Variants in INTS1 observed in about 807,000 individuals in gnomAD.
INTS1 encodes integrator complex subunit 1.
INTS1 carries 137 observed loss-of-function variants against 241.6 expected under a neutral mutation model. That is an observed-to-expected ratio of 0.57 (90% CI 0.49 to 0.65). INTS1 has a LOEUF of 0.65. Ranked by LOEUF, INTS1 falls within the 30% of genes least tolerant of loss-of-function variation. The pLI, the probability that INTS1 is intolerant of heterozygous loss-of-function variation, is 0.00. For missense variants in INTS1, 3,073 were observed against 3,032.2 expected, an observed-to-expected ratio of 1.01 and a Z score of -0.32; for synonymous variants, 1,692 against 1,337.8, an observed-to-expected ratio of 1.26 and a Z score of -5.78.
rs1434683724 is a variant in INTS1 at position 1,486,643 on chromosome 7, G to C, written c.2958C>G (p.Ser986=). Residue 986 remains serine (S), a synonymous_variant, in exon 22 of 48, where the codon TCC becomes TCG. Coordinates refer to ENST00000404767, the MANE Select transcript of INTS1 (RefSeq NM_001080453.3). ...ACCTCACCTTCATGGCCAGCACGCG[G>C]GAGGCCACCTGGGAGGAGCCGAGGC... is the stretch of plus-strand genomic sequence containing the variant. ...LRRLGSSQVA[S]RVLAMKGLSL... is the part of the protein sequence containing the mutation. The C allele has an allele frequency of 1.2e-6, 2 of 1,611,858 alleles. No homozygotes were observed. The highest frequency in any genetic ancestry group is 4.5e-5 in the East Asian group (2 of 44,856).
chr7:1,489,048 A>G (rs10230463), intron 18 of INTS1, among the ~76,000 whole-genome samples: 81,421 of 151,560 alleles, frequency 0.54, 23,631 homozygotes, highest in African/African-American at 0.77. Flanking sequence ...CAGCCTGCCC[A>G]GTCCCCACTC....
Position 1,487,319 on chromosome 7 carries a change from C to G in INTS1, c.2646+1G>C. On this transcript the variant is annotated splice_donor_variant, in intron 20 of 47. Coordinates refer to ENST00000404767, the MANE Select transcript of INTS1 (RefSeq NM_001080453.3). LOFTEE classifies it high-confidence loss of function. ...CTACCTCCTGGAGCCTCGGCACTCACCTGCCGCTGGATGATGTGGAGGAGA... is the reference window on the plus strand; with the variant it reads ...CTACCTCCTGGAGCCTCGGCACTCAGCTGCCGCTGGATGATGTGGAGGAGA... The G allele has an allele frequency of 6.3e-7, 1 of 1,591,942 alleles. No individual in the cohort carries two copies. Among genetic ancestry groups the G allele is most frequent in the Non-Finnish European group, 8.5e-7 (1 of 1,169,648 alleles).
At chr7:1,480,256 C>T (rs4546558) in intron 30 of INTS1, 61 bp downstream of exon 30, 2 of 1,535,424 alleles carry the variant, frequency 1.3e-6, no homozygotes, top group Non-Finnish European at 8.8e-7. Flanking sequence ...GAGGCGGCAG[C>T]GAAGGCTGCA....
chr7:1,496,202 C>T lies in INTS1; in HGVS notation c.1665G>A (p.Ala555=), dbSNP rs3735659. 3,192 of 1,613,876 alleles carry T rather than the reference C, an allele frequency of 2.0e-3. 40 individuals are homozygous for T. In the Admixed American group the frequency reaches 0.027, roughly 14 times the overall value. The change falls in exon 12 of 48, where the codon GCG becomes GCA. Residue 555 remains alanine (A), a synonymous_variant. Transcript: ENST00000404767. ...LAVSMMLGIT[A]QVKEAGIAWD... is the part of the protein sequence containing the mutation. ...AGGCGATGCCGGCCTCCTTCACCTG[C>T]GCTGTGATGCCCAGCATCATGGACA...
At chr7:1,504,174 A>G (rs1324787257) in intron 1 of INTS1, 149 bp downstream of exon 1, 6 of 537,710 alleles carry the variant, frequency 1.1e-5, no homozygotes, top group Non-Finnish European at 1.9e-5. Flanking sequence ...GCCGCCCGGG[A>G]GCGGCTCAGT....
chr7:1,501,444 A>G (rs1033114214), intron 3 of INTS1, among the ~76,000 whole-genome samples: 1 of 152,148 alleles, frequency 6.6e-6, no homozygotes, highest in East Asian at 1.9e-4. Flanking sequence ...GTGGGCTGCC[A>G]GCATGGAGGG....
At position 1,497,633 on chromosome 7, in the gene INTS1, C is replaced by A. The variant is rs543218507; in HGVS notation, c.1426-319G>T. Among the ~76,000 whole-genome samples the A allele has an allele frequency of 6.6e-6, 1 of 152,226 alleles. No individual in the cohort carries two copies. On this transcript the variant is annotated intron_variant, in intron 10 of 47. Coordinates refer to ENST00000404767, the MANE Select transcript of INTS1 (RefSeq NM_001080453.3). This position sits in a 1 kb window ranked among gnomAD's most constrained non-coding sequence, Gnocchi z 5.3. ...AGCGCGTGTGCCATCTCAGCCCACC[C>A]GTGCGCCACGGGCTGAACGGAAACC... is the stretch of plus-strand genomic sequence containing the variant.
chr7:1,481,797 G>A lies in INTS1; in HGVS notation c.3704-309C>T, dbSNP rs545347667. On this transcript the variant is annotated intron_variant, in intron 27 of 47. Transcript: ENST00000404767. This position sits in a 1 kb window ranked among gnomAD's most constrained non-coding sequence, Gnocchi z 6.8. ...CTGAGACCCTGGGCCACGTGGGCTC[G>A]GTGACCCCACCCGAGACCTGGGGCC... Among the ~76,000 whole-genome samples, 23 of 150,798 alleles carry A rather than the reference G, an allele frequency of 1.5e-4. No homozygotes were observed. In the South Asian group the frequency reaches 1.9e-3, roughly 12 times the overall value.
In INTS1 at chr7:1,476,071, G is replaced by A. The variant is rs906569901; in HGVS notation, c.5379C>T (p.Ser1793=). The change falls in exon 39 of 48, where the codon AGC becomes AGT. Residue 1793 remains serine, a splice_region_variant and synonymous_variant. Coordinates refer to ENST00000404767, the MANE Select transcript of INTS1 (RefSeq NM_001080453.3). ...LSGCIQQWGD[S]VLGRRCRDLL... ...GGTCTCGGCAGCGCCTGCCCAGCACGCTGGAAGAGGTGGAGCAGGGCTCAC... is the reference window on the plus strand; with the variant it reads ...GGTCTCGGCAGCGCCTGCCCAGCACACTGGAAGAGGTGGAGCAGGGCTCAC... 2.1e-5 allele frequency: 32 copies of A among 1,541,184 alleles called. No homozygotes were observed. Among genetic ancestry groups the A allele is most frequent in the African/African-American group, 5.5e-5 (4 of 73,102 alleles).
intron 42 of INTS1, 25 bp from the exon 43 acceptor site, chr7:1,473,209 T>TGGGAGGAAGACGCTGGC (rs747534894): frequency 6.5e-7 from 1 of 1,541,070 alleles, no homozygotes; most frequent in East Asian, 2.3e-5. Context: ...TGCTTTCACC[T>TGGGAGGAAGACGCTGGC]GGGAGGAAGA....
chr7:1,476,219 G>C lies in INTS1; in HGVS notation c.5378+10C>G. On this transcript the variant is annotated intron_variant, in intron 38 of 47. Transcript: ENST00000404767. ...CCCAGGCAGCATCTGGGGCCGGGGG[G>C]CCTGAGCACCTGTCTCCCCACTGCT... The C allele has an allele frequency of 1.3e-6, 2 of 1,546,836 alleles. No homozygotes were observed. The highest frequency in any genetic ancestry group is 1.7e-6 in the Non-Finnish European group (2 of 1,146,926).
At chr7:1,495,266 C>T (rs1000817138) in intron 13 of INTS1, among the ~76,000 whole-genome samples, 167 bp downstream of exon 13, 4 of 151,970 alleles carry the variant, frequency 2.6e-5, no homozygotes, top group East Asian at 1.9e-4. Context: ...GACAGACTCC[C>T]GTGTGGGGGC....
intron 14 of INTS1, among the ~76,000 whole-genome samples, chr7:1,494,289 G>A (rs866950465): frequency 1.3e-5 from 2 of 152,228 alleles, no homozygotes; most frequent in Non-Finnish European, 2.9e-5. Context: ...AAGCCTGACC[G>A]GAAGGCCGCA....
chr7:1,484,249 C>A, intron 24 of INTS1, 79 bp from the exon 25 acceptor site: 1 of 1,429,140 alleles, frequency 7.0e-7, no homozygotes, highest in Non-Finnish European at 9.5e-7. Flanking sequence ...TCGTCGCAGG[C>A]ACGCTCTCAC....
rs372757377 is a variant in INTS1, at chr7:1,482,560, C to T, written c.3689G>A (p.Arg1230His). The part of the protein sequence containing the change: ...KLRMIRSEVL[R>H]LVDAALQDLE... ...CTGGACCGTACCGGCGTCCACCAGG[C>T]GGAGCACCTCAGAACGGATCATGCG... The change falls in exon 27 of 48, where the codon CGC (arginine) becomes CAC (histidine). Residue 1230 changes from arginine (R) to histidine (H), a missense_variant. Transcript: ENST00000404767. 2.6e-5 allele frequency: 42 copies of T among 1,609,226 alleles called. No individual in the cohort carries two copies. The South Asian group carries it at 3.4e-4, about 13-fold the overall frequency.
At position 1,470,961 on chromosome 7, in the gene INTS1, A is replaced by C. The variant is rs1781436558; in HGVS notation, c.6348-6T>G. On this transcript the variant is annotated splice_polypyrimidine_tract_variant and splice_region_variant and intron_variant, in intron 46 of 47. Transcript: ENST00000404767. ...GCAGGAAAGCGGCTGCAATGCTGAA[A>C]GACCCACACACTTCAGTGGGAACCT... 1 of 1,555,496 alleles carries C rather than the reference A, an allele frequency of 6.4e-7. No homozygotes were observed. Among genetic ancestry groups the C allele is most frequent in the African/African-American group, 1.4e-5 (1 of 73,320 alleles).
At chr7:1,496,841 G>A (rs1782886844) in intron 11 of INTS1, among the ~76,000 whole-genome samples, 1 of 152,172 alleles carries the variant, frequency 6.6e-6, no homozygotes. Flanking sequence ...GCAGCCCGCA[G>A]CCCCACCCTG....
chr7:1,471,475 G>C, intron 45 of INTS1, 96 bp downstream of exon 45: 1 of 1,361,200 alleles, frequency 7.3e-7, no homozygotes, highest in Non-Finnish European at 1.0e-6. Flanking sequence ...ACTCCCTGGG[G>C]CTCAGCGCGG....
In INTS1 at chr7:1,493,188, G is replaced by A. The variant is rs1782667950; in HGVS notation, c.2069-82C>T. 8.7e-7 allele frequency: 1 copy of A among 1,144,422 alleles called. No homozygotes were observed. The highest frequency in any genetic ancestry group is 1.3e-6 in the Non-Finnish European group (1 of 775,592). The allele number at this position is 1,144,422 out of a possible 1,614,324, so 70.9% of individuals were successfully genotyped here. A position where few individuals can be genotyped will look rare whatever the true frequency, so the allele number is the denominator to read the frequency against. ...GCAGCGAGGGAACCGGCCCTGCTCG[G>A]GCCGCGTCGGGGTGGGGTGGGGGAT... On this transcript the variant is annotated intron_variant, in intron 15 of 47. Coordinates refer to ENST00000404767, the MANE Select transcript of INTS1 (RefSeq NM_001080453.3). The surrounding 1 kb of genome is among the most constrained non-coding windows in gnomAD (Gnocchi z 5.3).
Sources: allele counts gnomAD v4.1 joint callset (sites outside exome capture counted in the v4.1 genomes callset), GRCh38; gene constraint gnomAD v4.1.1; non-coding constraint Gnocchi (gnomAD v3.1); transcripts MANE v1.5; gene names NCBI Gene and HGNC (gene_info 2026-07-23, HGNC 2026-07-21).